CCDC178: variants seen among roughly 807,000 people sequenced by gnomAD.
CCDC178 encodes coiled-coil domain-containing protein 178.
CCDC178 carries 126 observed loss-of-function variants against 117.4 expected under a neutral mutation model. The observed-to-expected ratio is 1.07, with a 90% CI of 0.93 to 1.24. The LOEUF (loss-of-function observed/expected upper bound fraction) is 1.24, where lower values mean the gene tolerates loss of function less well. Ranked by LOEUF, CCDC178 falls within the 50% of genes most tolerant of loss-of-function variation. The probability of loss-of-function intolerance (pLI) is 0.00; values close to 1 mark genes in which losing one functional copy is unlikely to be tolerated. For synonymous variants in CCDC178, 283 were observed against 313.4 expected, an observed-to-expected ratio of 0.90 and a Z score of 1.02; for missense variants, 1,030 against 986.9, an observed-to-expected ratio of 1.04 and a Z score of -0.59.
chr18:32,989,450 A>G (rs970234819), intron 21 of CCDC178, among the ~76,000 whole-genome samples: 1 of 152,186 alleles, frequency 6.6e-6, no homozygotes, highest in Non-Finnish European at 1.5e-5. Context: ...TTGTTTCTGT[A>G]TACACAGGTT....
intron 20 of CCDC178, among the ~76,000 whole-genome samples, chr18:33,161,313 T>C (rs1311785991): frequency 6.6e-6 from 1 of 152,158 alleles, no homozygotes; most frequent in Non-Finnish European, 1.5e-5. Flanking sequence ...CCACTTCATA[T>C]TTCCAAGGCT....
chr18:33,034,259 T>C (rs1050273579), intron 21 of CCDC178, among the ~76,000 whole-genome samples: 2 of 151,966 alleles, frequency 1.3e-5, no homozygotes, highest in African/African-American at 4.8e-5. Flanking sequence ...CTGGGAAACA[T>C]TGCAAATCTT....
chr18:33,358,217 A>G (rs1215890100), intron 6 of CCDC178, among the ~76,000 whole-genome samples: 1 of 152,046 alleles, frequency 6.6e-6, no homozygotes, highest in Non-Finnish European at 1.5e-5. Context: ...AATGAAAAAG[A>G]CTAAATTCAT....
chr18:33,391,077 A>G (rs942634867), intron 4 of CCDC178, among the ~76,000 whole-genome samples: 1 of 151,448 alleles, frequency 6.6e-6, no homozygotes, highest in East Asian at 1.9e-4. Flanking sequence ...TCAAATAGCT[A>G]TTATAATATA....
At chr18:33,277,691 CA>C (rs2059967108) in intron 12 of CCDC178, among the ~76,000 whole-genome samples, 1 of 152,106 alleles carries the variant, frequency 6.6e-6, no homozygotes. Flanking sequence ...TGGCCCCCTC[CA>C]TCTTCAAGTC....
At chr18:33,195,128 AG>A (rs34686818) in intron 20 of CCDC178, among the ~76,000 whole-genome samples, 34 of 148,484 alleles carry the variant, frequency 2.3e-4, no homozygotes, top group African/African-American at 5.5e-4. Flanking sequence ...TAAAAAAAAA[AG>A]AGAGAGAGAG....
chr18:33,284,819 A>C (rs1305089611), intron 12 of CCDC178, among the ~76,000 whole-genome samples: 2 of 152,150 alleles, frequency 1.3e-5, no homozygotes, highest in African/African-American at 4.8e-5. Context: ...GTGAGAACGC[A>C]AGGAGAGAAA....
At position 33,397,027 on chromosome 18, in the gene CCDC178, G is replaced by T. The variant is rs1158052045; in HGVS notation, c.118+122C>A. 7.7e-6 allele frequency: 5 copies of T among 649,070 alleles called. No homozygotes were observed. The Admixed American group carries it at 1.2e-4, about 15-fold the overall frequency. 40.2% of individuals were successfully genotyped at this position (649,070 alleles called of 1,614,324 possible). ...AGCGTTACGATTATTCTCATTGATA[G>T]AACATCAATTAGGAAGAACAGAAGA... On this transcript the variant is annotated intron_variant, in intron 4 of 22. Transcript: ENST00000383096.
chr18:33,243,909 T>C (rs2059516528), intron 15 of CCDC178, among the ~76,000 whole-genome samples: 1 of 151,932 alleles, frequency 6.6e-6, no homozygotes, highest in South Asian at 2.1e-4. Flanking sequence ...CAGAAATATA[T>C]TGATATTATT....
At chr18:33,030,074 A>T (rs1275284777) in intron 21 of CCDC178, among the ~76,000 whole-genome samples, 1 of 151,948 alleles carries the variant, frequency 6.6e-6, no homozygotes, top group Non-Finnish European at 1.5e-5. Context: ...GAGCACTGAA[A>T]TTTTTAACTC....
At chr18:33,290,983 A>T (rs1286331278) in intron 12 of CCDC178, among the ~76,000 whole-genome samples, 1 of 152,144 alleles carries the variant, frequency 6.6e-6, no homozygotes, top group Non-Finnish European at 1.5e-5. Context: ...CAAGTGAAAC[A>T]TGCATTCCAA....
Position 33,200,014 on chromosome 18 carries a change from G to T in CCDC178, c.2238+11882C>A, listed in dbSNP as rs2058974962. On this transcript the variant is annotated intron_variant, in intron 20 of 22. Transcript: ENST00000383096. ...ATTCCTCTCACCATCAGCACCCAAA[G>T]ACTCAACAAGTTCTGTCTACATTAA... Among the ~76,000 whole-genome samples, 6 of 152,062 alleles carry T rather than the reference G, an allele frequency of 3.9e-5. 1 individual carries two copies. The highest frequency in any genetic ancestry group is 3.9e-4 in the Admixed American group (6 of 15,266).
At chr18:33,143,969 T>G (rs2058240952) in intron 20 of CCDC178, among the ~76,000 whole-genome samples, 1 of 152,048 alleles carries the variant, frequency 6.6e-6, no homozygotes, top group Non-Finnish European at 1.5e-5. Flanking sequence ...TATCAATGAC[T>G]CCTACACAGA....
At chr18:33,378,337 G>A (rs2063391600) in intron 5 of CCDC178, among the ~76,000 whole-genome samples, 1 of 152,162 alleles carries the variant, frequency 6.6e-6, no homozygotes, top group Admixed American at 6.5e-5. Context: ...AAGCCTTTTG[G>A]TAGGGTCTTT....
At chr18:33,422,035 A>G (rs751546439) in intron 2 of CCDC178, among the ~76,000 whole-genome samples, 2 of 152,194 alleles carry the variant, frequency 1.3e-5, no homozygotes, top group Non-Finnish European at 2.9e-5. Flanking sequence ...CCTTCCTCAC[A>G]TGCTTTTGCT....
chr18:33,400,917 G>C (rs1202053428), intron 3 of CCDC178, among the ~76,000 whole-genome samples: 1 of 152,162 alleles, frequency 6.6e-6, no homozygotes, highest in African/African-American at 2.4e-5. Context: ...TTTAAAGTGA[G>C]AGACACATAA....
At chr18:33,338,995 T>C (rs898795805) in intron 9 of CCDC178, among the ~76,000 whole-genome samples, 1 of 152,110 alleles carries the variant, frequency 6.6e-6, no homozygotes, top group Admixed American at 6.5e-5. Flanking sequence ...AACTTCTAAA[T>C]AAATAGATTC....
intron 20 of CCDC178, among the ~76,000 whole-genome samples, chr18:33,156,453 A>C (rs998768949): frequency 2.6e-5 from 4 of 151,498 alleles, no homozygotes; most frequent in African/African-American, 9.7e-5. Flanking sequence ...GAAAAAAAAA[A>C]CTCCCAGGTA....
At chr18:33,142,191 T>G (rs2058214554) in intron 20 of CCDC178, among the ~76,000 whole-genome samples, 1 of 152,180 alleles carries the variant, frequency 6.6e-6, no homozygotes, top group African/African-American at 2.4e-5. Flanking sequence ...CCCCAGAGAC[T>G]TTTTAGTGGT....
Sources: allele counts gnomAD v4.1 joint callset (sites outside exome capture counted in the v4.1 genomes callset), GRCh38; gene constraint gnomAD v4.1.1; transcripts MANE v1.5; gene names NCBI Gene and HGNC (gene_info 2026-07-23, HGNC 2026-07-21).